The following ZNF804A variants were observed in gnomAD, a reference collection of about 807,000 sequenced individuals.
ZNF804A encodes zinc finger protein 804A.
ZNF804A carries 2 observed loss-of-function variants against 16.5 expected under a neutral mutation model. The ratio of observed to expected loss-of-function variants is 0.12; its 90% confidence interval spans 0.05 to 0.38. The LOEUF (loss-of-function observed/expected upper bound fraction) is 0.38. Ranked by LOEUF, ZNF804A falls within the 10% of genes least tolerant of loss-of-function variation. The pLI, the probability that ZNF804A is intolerant of heterozygous loss-of-function variation, is 0.99. For missense variants in ZNF804A, 1,473 were observed against 1,390.7 expected, an observed-to-expected ratio of 1.06 and a Z score of -0.94; for synonymous variants, 534 against 489.6, an observed-to-expected ratio of 1.09 and a Z score of -1.20.
chr2:184,938,965 C>A lies in ZNF804A; in HGVS notation c.3569C>A (p.Ala1190Glu). ...SHLAFPSLPH[A>E]LFPSLLSPHP... ...CTGGCTTTCCCATCTTTACCCCATG[C>A]ACTCTTTCCTTCACTGCTTTCCCCA... The change falls in exon 4 of 4, where the codon GCA (alanine) becomes GAA (glutamate). Residue 1190 changes from alanine (A) to glutamate (E), a missense_variant. By Grantham distance (107) the Ala-to-Glu change is moderately radical. Coordinates refer to ENST00000302277, the MANE Select transcript of ZNF804A (RefSeq NM_194250.2). The A allele has an allele frequency of 6.2e-7, 1 of 1,613,946 alleles. No homozygotes were observed. Among genetic ancestry groups the A allele is most frequent in the Non-Finnish European group, 8.5e-7 (1 of 1,179,958 alleles).
chr2:184,896,063 G>A (rs1213962059), intron 2 of ZNF804A, among the ~76,000 whole-genome samples: 1 of 152,022 alleles, frequency 6.6e-6, no homozygotes, highest in East Asian at 1.9e-4. Flanking sequence ...ATTGTGTAAT[G>A]TTATTTGCCA....
intron 1 of ZNF804A, among the ~76,000 whole-genome samples, chr2:184,712,356 A>G (rs1693143980): frequency 6.6e-6 from 1 of 151,648 alleles, no homozygotes; most frequent in Non-Finnish European, 1.5e-5. Context: ...AGATAATCCC[A>G]TTGTTTACTA....
intron 1 of ZNF804A, among the ~76,000 whole-genome samples, chr2:184,698,325 G>A (rs980965570): frequency 6.6e-6 from 1 of 151,928 alleles, no homozygotes; most frequent in African/African-American, 2.4e-5. Flanking sequence ...TTTTGTATAT[G>A]GGGAAATTAT....
At chr2:184,860,989 A>G (rs1244805529) in intron 1 of ZNF804A, among the ~76,000 whole-genome samples, 1 of 152,212 alleles carries the variant, frequency 6.6e-6, no homozygotes, top group African/African-American at 2.4e-5. Context: ...TACTGAGGTC[A>G]GCACAGTGGT....
chr2:184,866,578 C>T, intron 2 of ZNF804A, 66 bp downstream of exon 2: 2 of 1,346,664 alleles, frequency 1.5e-6, no homozygotes, highest in Admixed American at 2.4e-5. Flanking sequence ...ATTGTGTAGA[C>T]TCTATGAATA....
chr2:184,880,841 C>T (rs941553324), intron 2 of ZNF804A, among the ~76,000 whole-genome samples: 24 of 151,968 alleles, frequency 1.6e-4, no homozygotes, highest in African/African-American at 5.8e-4. Flanking sequence ...ACACCAATAC[C>T]ACCTATGAAG....
chr2:184,756,802 C>A (rs139166392), intron 1 of ZNF804A, among the ~76,000 whole-genome samples: 2 of 151,874 alleles, frequency 1.3e-5, no homozygotes, highest in Non-Finnish European at 2.9e-5. Flanking sequence ...AAATACATTT[C>A]TATTTCTAAC....
At chr2:184,726,222 T>A (rs1376228638) in intron 1 of ZNF804A, among the ~76,000 whole-genome samples, 1 of 151,612 alleles carries the variant, frequency 6.6e-6, no homozygotes, top group East Asian at 1.9e-4. Flanking sequence ...TTTCCCAGAG[T>A]GTTTGTGCCA....
intron 1 of ZNF804A, among the ~76,000 whole-genome samples, chr2:184,651,191 G>T (rs1691977888): frequency 6.6e-6 from 1 of 152,084 alleles, no homozygotes; most frequent in Admixed American, 6.6e-5. Context: ...AAGCAATGGG[G>T]AAAGGACTCC....
At chr2:184,686,078 C>G (rs1329292825) in intron 1 of ZNF804A, among the ~76,000 whole-genome samples, 2 of 152,228 alleles carry the variant, frequency 1.3e-5, no homozygotes, top group Non-Finnish European at 2.9e-5. Context: ...CACAACTTTG[C>G]TCCACACTGG....
At chr2:184,778,853 T>C (rs1378331521) in intron 1 of ZNF804A, among the ~76,000 whole-genome samples, 1 of 151,668 alleles carries the variant, frequency 6.6e-6, no homozygotes, top group Non-Finnish European at 1.5e-5. Flanking sequence ...GACTTGACAG[T>C]GTATACCTCA....
chr2:184,723,032 A>G (rs6742299), intron 1 of ZNF804A, among the ~76,000 whole-genome samples: 50,876 of 151,800 alleles, frequency 0.34, 11,870 homozygotes, highest in African/African-American at 0.67. Context: ...ACAAAATCTG[A>G]AGGCTAGGCT....
intron 1 of ZNF804A, among the ~76,000 whole-genome samples, chr2:184,783,892 G>A (rs1694409310): frequency 6.6e-6 from 1 of 151,914 alleles, no homozygotes; most frequent in South Asian, 2.1e-4. Context: ...GATAAAACAG[G>A]CTCATTCTTC....
At chr2:184,643,761 T>C (rs1384922361) in intron 1 of ZNF804A, among the ~76,000 whole-genome samples, 1 of 151,244 alleles carries the variant, frequency 6.6e-6, no homozygotes, top group East Asian at 1.9e-4. Flanking sequence ...AATATATATA[T>C]ACATATCAAT....
intron 2 of ZNF804A, among the ~76,000 whole-genome samples, chr2:184,926,884 G>A (rs1346251727): frequency 6.6e-6 from 1 of 152,028 alleles, no homozygotes; most frequent in Non-Finnish European, 1.5e-5. Context: ...GTTAAATTTA[G>A]CTTGTAGAAT....
intron 1 of ZNF804A, among the ~76,000 whole-genome samples, chr2:184,825,659 C>T (rs1428524259): frequency 2.0e-5 from 3 of 152,018 alleles, no homozygotes; most frequent in South Asian, 4.2e-4. Context: ...AAACAGGAAG[C>T]TCAGTGGTAT....
At chr2:184,871,435 A>C (rs956373615) in intron 2 of ZNF804A, among the ~76,000 whole-genome samples, 4 of 151,482 alleles carry the variant, frequency 2.6e-5, no homozygotes, top group Admixed American at 2.6e-4. Flanking sequence ...AAAAACAAAA[A>C]AAAACTCAAT....
intron 1 of ZNF804A, among the ~76,000 whole-genome samples, chr2:184,636,078 A>G (rs1268385783): frequency 2.0e-5 from 3 of 152,074 alleles, no homozygotes; most frequent in Non-Finnish European, 1.5e-5. Flanking sequence ...TATTTTTATT[A>G]TTTTCCAATA....
rs1478721290 is a variant in ZNF804A, at chr2:184,621,873, G to GCATAT, written c.111+22804_111+22808dup. ...TCAAACAAATCCAGAGATTTGATTG[G>GCATAT]CATATGAGAAAAGAATTGACTGCAA... On this transcript the variant is annotated intron_variant, in intron 1 of 3. Coordinates refer to ENST00000302277, the MANE Select transcript of ZNF804A (RefSeq NM_194250.2). Among the ~76,000 whole-genome samples the GCATAT allele has an allele frequency of 2.0e-5, 3 of 151,584 alleles. No individual in the cohort carries two copies. The East Asian group carries it at 5.8e-4, about 29-fold the overall frequency.
Sources: gnomAD v4.1 joint callset for allele counts (sites outside exome capture counted in the v4.1 genomes callset) on GRCh38, gnomAD v4.1.1 for gene constraint, MANE v1.5 for transcripts, NCBI Gene and HGNC (gene_info 2026-07-23, HGNC 2026-07-21) for gene names.